Variants in COG5 observed in about 807,000 individuals in gnomAD.
The protein encoded by COG5 is conserved oligomeric Golgi complex subunit 5.
In COG5, 86 loss-of-function variants were observed where a neutral mutation model predicts 110.4. That is an observed-to-expected ratio of 0.78 (90% CI 0.65 to 0.93). COG5 has a LOEUF of 0.93. Among genes scored for constraint, COG5 ranks in the 40% least tolerant of loss-of-function variants. COG5 has a pLI of 0.00. For missense variants in COG5, 1,077 were observed against 987.0 expected (o/e 1.09, Z -1.22); for synonymous variants, 360 against 334.6 (o/e 1.08, Z -0.83).
intron 10 of COG5, among the ~76,000 whole-genome samples, chr7:107,328,221 C>A (rs899909886): frequency 7.9e-5 from 12 of 152,124 alleles, no homozygotes; most frequent in African/African-American, 2.7e-4. Context: ...TATGTGATAG[C>A]CTATCACTCC....
chr7:107,391,464 T>C (rs1001014161), intron 7 of COG5, among the ~76,000 whole-genome samples: 1 of 152,316 alleles, frequency 6.6e-6, no homozygotes, highest in East Asian at 1.9e-4. Context: ...TTTCCTTTGC[T>C]GTGCAAACGT....
At chr7:107,239,208 T>C (rs1801431328) in intron 17 of COG5, among the ~76,000 whole-genome samples, 2 of 152,240 alleles carry the variant, frequency 1.3e-5, no homozygotes, top group Admixed American at 1.3e-4. Flanking sequence ...TACATATTTA[T>C]TATTGAAGGA....
At chr7:107,472,017 T>C (rs1300948372) in intron 6 of COG5, 1 of 152,046 alleles carries the variant, frequency 6.6e-6, no homozygotes, top group East Asian at 1.9e-4. Flanking sequence ...CTAAATATAT[T>C]TTAGAAGCTA....
At chr7:107,338,129 T>G (rs1810860441) in intron 10 of COG5, among the ~76,000 whole-genome samples, 1 of 151,854 alleles carries the variant, frequency 6.6e-6, no homozygotes, top group Non-Finnish European at 1.5e-5. Flanking sequence ...TCAATGGCAT[T>G]TTTAGTAGAA....
intron 7 of COG5, among the ~76,000 whole-genome samples, chr7:107,407,026 TTAAG>T (rs1410265877): frequency 6.6e-6 from 1 of 152,236 alleles, no homozygotes; most frequent in Non-Finnish European, 1.5e-5. Context: ...TTGGAATTCC[TTAAG>T]TATTTCTTTG....
chr7:107,358,138 C>T (rs1488550335), intron 10 of COG5, among the ~76,000 whole-genome samples: 1 of 152,072 alleles, frequency 6.6e-6, no homozygotes, highest in Non-Finnish European at 1.5e-5. Context: ...TGATATTTTC[C>T]TTAGATTCTC....
intron 17 of COG5, among the ~76,000 whole-genome samples, chr7:107,240,514 C>A (rs1383002048): frequency 3.3e-5 from 5 of 152,174 alleles, no homozygotes; most frequent in African/African-American, 1.2e-4. Flanking sequence ...CCATGCCCAG[C>A]CCATGATTAC....
intron 6 of COG5, among the ~76,000 whole-genome samples, chr7:107,509,317 T>A (rs781771041): frequency 9.9e-5 from 15 of 151,856 alleles, no homozygotes; most frequent in Non-Finnish European, 1.6e-4. Context: ...ACGAAATGAA[T>A]GAACTGAAGC....
chr7:107,321,724 TCATAA>T (rs1279123072), intron 11 of COG5, among the ~76,000 whole-genome samples: 1 of 152,166 alleles, frequency 6.6e-6, no homozygotes, highest in Non-Finnish European at 1.5e-5. Context: ...TTGAGATAAC[TCATAA>T]CATACACGAA....
intron 6 of COG5, among the ~76,000 whole-genome samples, chr7:107,510,291 GA>G (rs1304636513): frequency 6.6e-6 from 1 of 152,058 alleles, no homozygotes; most frequent in Non-Finnish European, 1.5e-5. Context: ...AAGATCAAAA[GA>G]GACAAAGAAG....
chr7:107,449,890 C>T (rs1795232135), intron 6 of COG5, among the ~76,000 whole-genome samples: 1 of 152,000 alleles, frequency 6.6e-6, no homozygotes, highest in Non-Finnish European at 1.5e-5. Context: ...TGCATGATTG[C>T]TACAAAAAAG....
intron 11 of COG5, among the ~76,000 whole-genome samples, chr7:107,312,741 G>C (rs1808390510): frequency 6.6e-6 from 1 of 152,144 alleles, no homozygotes; most frequent in South Asian, 2.1e-4. Flanking sequence ...CATTTTGAGA[G>C]TAATGGAAGA....
intron 6 of COG5, among the ~76,000 whole-genome samples, chr7:107,425,318 T>C (rs1346965836): frequency 7.1e-6 from 1 of 140,566 alleles, no homozygotes; most frequent in Admixed American, 7.3e-5. Context: ...TTACAAGCAA[T>C]AATACAGGGG....
chr7:107,439,260 A>T (rs1340033120), intron 6 of COG5, among the ~76,000 whole-genome samples: 1 of 150,564 alleles, frequency 6.6e-6, no homozygotes, highest in Non-Finnish European at 1.5e-5. Context: ...CTATGATGCA[A>T]TTCCTACAGC....
rs558627304 is a variant in COG5 at position 107,515,026 on chromosome 7, T to C, written c.538+12211A>G. Among the ~76,000 whole-genome samples, 3 of 152,316 alleles carry C rather than the reference T, an allele frequency of 2.0e-5. No individual in the cohort carries two copies. The South Asian group carries it at 6.2e-4, about 32-fold the overall frequency. Reference sequence around the variant, plus strand: ...CACAGAAACTGCATTTTACTCACTCTGTAGGAGATTCTAACAAGCTACAGG... The same window carrying C: ...CACAGAAACTGCATTTTACTCACTCCGTAGGAGATTCTAACAAGCTACAGG... On this transcript the variant is annotated intron_variant, in intron 6 of 21. Coordinates refer to ENST00000297135, the MANE Select transcript of COG5 (RefSeq NM_006348.5).
intron 17 of COG5, among the ~76,000 whole-genome samples, chr7:107,238,108 T>C (rs941506712): frequency 1.3e-5 from 2 of 152,172 alleles, no homozygotes; most frequent in Non-Finnish European, 2.9e-5. Context: ...TATCATTTAT[T>C]CCTCCTAACT....
chr7:107,448,845 A>G (rs895273750), intron 6 of COG5, among the ~76,000 whole-genome samples: 5 of 152,326 alleles, frequency 3.3e-5, no homozygotes, highest in Non-Finnish European at 5.9e-5. Context: ...CAGCCTAGAA[A>G]TATCAAAAAA....
chr7:107,307,627 G>T (rs1449885083), intron 11 of COG5, among the ~76,000 whole-genome samples: 1 of 152,088 alleles, frequency 6.6e-6, no homozygotes, highest in South Asian at 2.1e-4. Flanking sequence ...ATAGCCACAG[G>T]AGGTCATTAT....
chr7:107,536,208 A>C (rs1801571778), intron 5 of COG5, among the ~76,000 whole-genome samples: 1 of 152,010 alleles, frequency 6.6e-6, no homozygotes, highest in South Asian at 2.1e-4. Context: ...GAAAACTGGC[A>C]CAAGTCAAGG....
Sources: gnomAD v4.1 joint callset for allele counts (sites outside exome capture counted in the v4.1 genomes callset) on GRCh38, gnomAD v4.1.1 for gene constraint, MANE v1.5 for transcripts, NCBI Gene and HGNC (gene_info 2026-07-23, HGNC 2026-07-21) for gene names.